The following MIS18A variants were observed in gnomAD, a reference collection of about 807,000 sequenced individuals.
MIS18A encodes the protein protein Mis18-alpha.
In MIS18A, 14 loss-of-function variants were observed where a neutral mutation model predicts 25.0. That is an observed-to-expected ratio of 0.56 (90% CI 0.37 to 0.88). The LOEUF (loss-of-function observed/expected upper bound fraction) is 0.88, where lower values mean the gene tolerates loss of function less well. Ranked by LOEUF, MIS18A falls within the 40% of genes least tolerant of loss-of-function variation. MIS18A has a pLI of 0.00. For missense variants in MIS18A, 292 were observed against 290.8 expected (o/e 1.00, Z -0.03); for synonymous variants, 134 against 118.6 (o/e 1.13, Z -0.84).
chr21:32,169,686 C>G, the MIS18A span, among the ~76,000 whole-genome samples: 1 of 150,716 alleles, frequency 6.6e-6, no homozygotes, highest in African/African-American at 2.5e-5. Context: ...CACACACACA[C>G]AGAGCCCCTC....
the MIS18A span, among the ~76,000 whole-genome samples, chr21:32,191,803 G>A: frequency 6.6e-6 from 1 of 152,082 alleles, no homozygotes; most frequent in Non-Finnish European, 1.5e-5. Flanking sequence ...TACTTGGGAG[G>A]CTGAGGCAGC....
At chr21:32,189,900 T>C in the MIS18A span, among the ~76,000 whole-genome samples, 7 of 152,300 alleles carry the variant, frequency 4.6e-5, no homozygotes, top group South Asian at 1.2e-3. Flanking sequence ...CAACGTCTTT[T>C]CCTGTTTGTG....
chr21:32,270,545 GT>G lies in MIS18A; in HGVS notation c.402-17del. 1 of 1,518,766 alleles carries G rather than the reference GT, an allele frequency of 6.6e-7. No individual in the cohort carries two copies. The highest frequency in any genetic ancestry group is 1.3e-5 in the South Asian group (1 of 77,474). 94.1% of individuals were successfully genotyped at this position (1,518,766 alleles called of 1,614,324 possible). A position where few individuals can be genotyped will look rare whatever the true frequency, so the allele number is the denominator to read the frequency against. On this transcript the variant is annotated splice_polypyrimidine_tract_variant and intron_variant, in intron 2 of 4. Coordinates refer to ENST00000290130, the MANE Select transcript of MIS18A (RefSeq NM_018944.3). ...CTCAAGGACGCTGCAATAAAGAAAT[GT>G]CTTGCTTTAGGAAACGAAGCAGCAA...
chr21:32,243,731 G>A, the MIS18A span, among the ~76,000 whole-genome samples: 1,129 of 152,028 alleles, frequency 7.4e-3, 13 homozygotes, highest in African/African-American at 0.026. Context: ...TTTTATTCAC[G>A]ACAAGGCCAG....
chr21:32,241,964 C>T, the MIS18A span, among the ~76,000 whole-genome samples: 119 of 152,306 alleles, frequency 7.8e-4, no homozygotes, highest in African/African-American at 1.5e-3. Flanking sequence ...CTGCAAGCTC[C>T]GCCTCCCGGG....
chr21:32,274,759 G>C, intron 2 of MIS18A, 71 bp downstream of exon 2: 1 of 1,203,816 alleles, frequency 8.3e-7, no homozygotes, highest in South Asian at 1.3e-5. Context: ...CTTACTACTA[G>C]TAATGACCTT....
At chr21:32,163,616 A>T in the MIS18A span, among the ~76,000 whole-genome samples, 1 of 152,192 alleles carries the variant, frequency 6.6e-6, no homozygotes, top group Non-Finnish European at 1.5e-5. Flanking sequence ...CACATACTGG[A>T]TGTGACTTGA....
chr21:32,260,053 T>C, the MIS18A span: 1 of 148,026 alleles, frequency 6.8e-6, no homozygotes, highest in Non-Finnish European at 1.5e-5. Context: ...AAAAGCAATT[T>C]TGAATACTTT....
chr21:32,155,335 A>G, the MIS18A span, among the ~76,000 whole-genome samples: 1 of 151,842 alleles, frequency 6.6e-6, no homozygotes, highest in Non-Finnish European at 1.5e-5. Flanking sequence ...GTACATGCCC[A>G]CCTCTTCTGC....
At chr21:32,208,771 GTGGA>G in the MIS18A span, among the ~76,000 whole-genome samples, 209 of 152,302 alleles carry the variant, frequency 1.4e-3, no homozygotes, top group African/African-American at 4.8e-3. Context: ...CAGCATAAAT[GTGGA>G]TGTCATCCTA....
At chr21:32,275,005 G>T in intron 1 of MIS18A, 109 bp from the exon 2 acceptor site, 1 of 862,200 alleles carries the variant, frequency 1.2e-6, no homozygotes, top group Non-Finnish European at 1.8e-6. Flanking sequence ...CAAAAAATAA[G>T]CCCAAAGTCA....
At chr21:32,173,367 C>T in the MIS18A span, among the ~76,000 whole-genome samples, 1 of 152,188 alleles carries the variant, frequency 6.6e-6, no homozygotes, top group Non-Finnish European at 1.5e-5. Context: ...GGTGCAGTAA[C>T]TTTGGAACAC....
At chr21:32,269,945 A>G (rs1039282845) in intron 3 of MIS18A, 142 bp from the exon 4 acceptor site, 9 of 609,250 alleles carry the variant, frequency 1.5e-5, no homozygotes, top group Non-Finnish European at 2.6e-5. Context: ...CCCGGGCAAT[A>G]TGCCTGTAGT....
the MIS18A span, among the ~76,000 whole-genome samples, chr21:32,178,479 C>T: frequency 6.6e-6 from 1 of 152,064 alleles, no homozygotes; most frequent in Admixed American, 6.5e-5. Flanking sequence ...TTTAAAGTTA[C>T]TAATAAATGT....
downstream of MIS18A, among the ~76,000 whole-genome samples, chr21:32,266,971 C>T (rs1186740536): frequency 7.7e-6 from 1 of 129,658 alleles, no homozygotes; most frequent in Non-Finnish European, 1.8e-5. Context: ...AAGTTAAACA[C>T]ACACACACAC....
the MIS18A span, chr21:32,197,688 C>A: frequency 6.6e-6 from 1 of 152,196 alleles, no homozygotes; most frequent in African/African-American, 2.4e-5. Flanking sequence ...TTCCTTGTAA[C>A]TTCCTCCCTT....
chr21:32,215,629 G>GGTATC, the MIS18A span, among the ~76,000 whole-genome samples: 165 of 152,190 alleles, frequency 1.1e-3, no homozygotes, highest in African/African-American at 3.8e-3. Flanking sequence ...GCTGAACATA[G>GGTATC]GTATCTTCTT....
chr21:32,169,234 G>A, the MIS18A span, among the ~76,000 whole-genome samples: 1 of 148,794 alleles, frequency 6.7e-6, no homozygotes. Flanking sequence ...GCCACTGGAA[G>A]GGGCATAACA....
the MIS18A span, among the ~76,000 whole-genome samples, chr21:32,250,454 T>TGG: frequency 1.3e-5 from 2 of 152,174 alleles, no homozygotes; most frequent in African/African-American, 2.4e-5. Flanking sequence ...TCCACGTGAC[T>TGG]ATGGGACCTC....
Sources: allele counts gnomAD v4.1 joint callset (sites outside exome capture counted in the v4.1 genomes callset), GRCh38; gene constraint gnomAD v4.1.1; transcripts MANE v1.5; gene names NCBI Gene and HGNC (gene_info 2026-07-23, HGNC 2026-07-21).